Variants in XYLT1 observed in about 807,000 individuals in gnomAD.
The protein encoded by XYLT1 is xylosyltransferase 1, also known as beta-D-xylosyltransferase 1.
Under a neutral mutation model 91.3 loss-of-function variants are expected in XYLT1, and 36 were observed. That is an observed-to-expected ratio of 0.39 (90% CI 0.30 to 0.52). XYLT1 has a LOEUF of 0.52. Ranked by LOEUF, XYLT1 falls within the 20% of genes least tolerant of loss-of-function variation. XYLT1 has a pLI of 0.68. For synonymous variants in XYLT1, 588 were observed against 532.0 expected, an observed-to-expected ratio of 1.11 and a Z score of -1.45; for missense variants, 1,242 against 1,284.5, an observed-to-expected ratio of 0.97 and a Z score of 0.51.
At chr16:17,330,867 C>T (rs926647878) in intron 2 of XYLT1, among the ~76,000 whole-genome samples, 3 of 152,090 alleles carry the variant, frequency 2.0e-5, no homozygotes, top group Non-Finnish European at 4.4e-5. Context: ...GTGATATCCT[C>T]AATGCGCATA....
intron 3 of XYLT1, among the ~76,000 whole-genome samples, chr16:17,221,362 CGGTT>C (rs1005716835): frequency 2.0e-5 from 3 of 152,086 alleles, no homozygotes; most frequent in Non-Finnish European, 4.4e-5. Flanking sequence ...AGAGTGTTTT[CGGTT>C]GGTTGGTTGG....
At chr16:17,419,825 T>C (rs983070911) in intron 1 of XYLT1, among the ~76,000 whole-genome samples, 1 of 152,152 alleles carries the variant, frequency 6.6e-6, no homozygotes, top group African/African-American at 2.4e-5. Context: ...TCCTTTGATT[T>C]GAGTATGGAA....
chr16:17,446,599 C>A (rs1026150381), intron 1 of XYLT1, among the ~76,000 whole-genome samples: 6 of 152,202 alleles, frequency 3.9e-5, no homozygotes, highest in African/African-American at 1.4e-4. Context: ...AGTGCCCCTC[C>A]CAGTCTTGGG....
At chr16:17,465,017 G>T (rs545029409) in intron 1 of XYLT1, among the ~76,000 whole-genome samples, 1 of 151,542 alleles carries the variant, frequency 6.6e-6, no homozygotes, top group Non-Finnish European at 1.5e-5. Flanking sequence ...GGTGGTGCAC[G>T]CCTGTAATCC....
intron 2 of XYLT1, among the ~76,000 whole-genome samples, chr16:17,290,958 AGACACGG>A (rs1328505434): frequency 1.3e-5 from 2 of 152,118 alleles, no homozygotes; most frequent in Non-Finnish European, 2.9e-5. Flanking sequence ...TTTATTTTTG[AGACACGG>A]TCTCTGTCAC....
At chr16:17,237,458 G>C (rs2033266471) in intron 3 of XYLT1, among the ~76,000 whole-genome samples, 1 of 152,156 alleles carries the variant, frequency 6.6e-6, no homozygotes, top group African/African-American at 2.4e-5. Flanking sequence ...GGAGGTTTAA[G>C]ATCAATGCCC....
intron 7 of XYLT1, among the ~76,000 whole-genome samples, chr16:17,139,036 C>A (rs2030878886): frequency 6.6e-6 from 1 of 152,126 alleles, no homozygotes; most frequent in South Asian, 2.1e-4. Flanking sequence ...TGCTTGCTGT[C>A]CATGGTACTG....
intron 1 of XYLT1, among the ~76,000 whole-genome samples, chr16:17,465,906 G>T (rs986720282): frequency 6.6e-6 from 1 of 152,088 alleles, no homozygotes; most frequent in Non-Finnish European, 1.5e-5. Flanking sequence ...GATTCACAGA[G>T]GACCGAAATT....
chr16:17,253,729 G>A (rs1240235444), intron 3 of XYLT1, among the ~76,000 whole-genome samples: 3 of 151,996 alleles, frequency 2.0e-5, no homozygotes, highest in Non-Finnish European at 2.9e-5. Context: ...TCAGATCCAC[G>A]TGGTCTGCCT....
chr16:17,267,412 T>A (rs1259244206), intron 2 of XYLT1, among the ~76,000 whole-genome samples: 1 of 151,922 alleles, frequency 6.6e-6, no homozygotes, highest in Non-Finnish European at 1.5e-5. Context: ...TCTGAGTCTT[T>A]TGTTTGTTTG....
intron 2 of XYLT1, among the ~76,000 whole-genome samples, chr16:17,337,688 A>G (rs980508274): frequency 6.6e-6 from 1 of 150,380 alleles, no homozygotes; most frequent in Admixed American, 6.6e-5. Context: ...GTCTCCGAGA[A>G]TTCCTTCTTC....
Position 17,198,313 on chromosome 16 carries a change from G to C in XYLT1, c.1188C>G (p.Ser396Arg). 6.2e-7 allele frequency: 1 copy of C among 1,614,210 alleles called. No individual in the cohort carries two copies. The change falls in exon 5 of 12, where the codon AGC (serine) becomes AGG (arginine). Residue 396 changes from serine to arginine, a missense_variant. Physicochemically the swap from Ser to Arg is moderately radical, Grantham distance 110 (BLOSUM62 -1). This residue lies in a region of XYLT1 where 294 missense variants were observed against 376.0 expected (regional missense o/e 0.78). Transcript: ENST00000261381. ...TGCTCTGCAGGTAGGTGGACAGGAG[G>C]CTGGCTCCTCCCCAGATGGTGGCCA... ...WRMATIWGGA[S>R]LLSTYLQSMR...
chr16:17,109,579 AC>A (rs1242149458), intron 11 of XYLT1, among the ~76,000 whole-genome samples: 25 of 152,220 alleles, frequency 1.6e-4, no homozygotes, highest in Admixed American at 1.6e-3. Flanking sequence ...GGGTTGGCAA[AC>A]TGCAGTCCTT....
intron 1 of XYLT1, 79 bp from the exon 2 acceptor site, chr16:17,358,129 C>CA: frequency 1.5e-6 from 2 of 1,306,834 alleles, no homozygotes; most frequent in Non-Finnish European, 1.0e-6. Context: ...TTCTTTCTTT[C>CA]CTTTTTTTTT....
chr16:17,381,305 C>T (rs2035677406), intron 1 of XYLT1, among the ~76,000 whole-genome samples: 1 of 151,706 alleles, frequency 6.6e-6, no homozygotes, highest in African/African-American at 2.4e-5. Context: ...AAATTTTACA[C>T]TTTGAATATG....
intron 10 of XYLT1, among the ~76,000 whole-genome samples, chr16:17,126,483 TG>T (rs2030264664): frequency 6.6e-6 from 1 of 152,316 alleles, no homozygotes; most frequent in Admixed American, 6.5e-5. Flanking sequence ...TTGAAAACAG[TG>T]GCTTAACAAG....
chr16:17,259,425 T>A lies in XYLT1; in HGVS notation c.476A>T (p.Asp159Val), dbSNP rs780332643. 1 of 1,614,030 alleles carries A rather than the reference T, an allele frequency of 6.2e-7. No individual in the cohort carries two copies. Among genetic ancestry groups the A allele is most frequent in the Non-Finnish European group, 8.5e-7 (1 of 1,180,034 alleles). ...DSNNENSVPK[D>V]FENVDNSNFA... ...GTTGCTGTTGTCGACATTCTCAAAG[T>A]CTTTGGGGACAGAGTTCTCGTTGTT... Residue 159 changes from aspartate to valine, a missense_variant, in exon 3 of 12, where the codon GAC becomes GTC. By Grantham distance (152) the Asp-to-Val change is radical. Around this residue, in one of 3 missense-constraint regions of XYLT1, gnomAD observed 437 missense variants for 411.5 expected, o/e 1.06. Coordinates refer to ENST00000261381, the MANE Select transcript of XYLT1 (RefSeq NM_022166.4).
At chr16:17,467,156 G>T (rs1354023192) in intron 1 of XYLT1, among the ~76,000 whole-genome samples, 1 of 152,184 alleles carries the variant, frequency 6.6e-6, no homozygotes, top group Non-Finnish European at 1.5e-5. Flanking sequence ...GCTTATGTAG[G>T]GCGGCAGGCG....
intron 2 of XYLT1, among the ~76,000 whole-genome samples, chr16:17,321,893 C>T (rs920905389): frequency 5.9e-5 from 9 of 152,114 alleles, no homozygotes; most frequent in African/African-American, 1.4e-4. Flanking sequence ...AACCCTGCTG[C>T]GGAGCTATCT....
Sources: allele counts gnomAD v4.1 joint callset (sites outside exome capture counted in the v4.1 genomes callset), GRCh38; gene constraint gnomAD v4.1.1; regional missense constraint gnomAD v4.1.1; transcripts MANE v1.5; gene names NCBI Gene and HGNC (gene_info 2026-07-23, HGNC 2026-07-21).